The following SLC16A7 variants were observed in gnomAD, a reference collection of about 807,000 sequenced individuals.
The protein encoded by SLC16A7 is solute carrier family 16 member 7.
A neutral mutation model predicts 34.9 loss-of-function variants in SLC16A7; 33 were observed. The observed-to-expected ratio is 0.94, with a 90% CI of 0.72 to 1.26. SLC16A7 has a LOEUF of 1.26. Ranked by LOEUF, SLC16A7 falls within the 50% of genes most tolerant of loss-of-function variation. The pLI, the probability that SLC16A7 is intolerant of heterozygous loss-of-function variation, is 0.00. For synonymous variants in SLC16A7, 201 were observed against 206.6 expected (o/e 0.97, Z 0.23); for missense variants, 573 against 578.1 (o/e 0.99, Z 0.09).
intron 1 of SLC16A7, among the ~76,000 whole-genome samples, chr12:59,614,624 G>A (rs547950577): frequency 7.3e-5 from 11 of 151,648 alleles, no homozygotes; most frequent in Non-Finnish European, 1.3e-4. Context: ...AATATGAGTC[G>A]GGACCAGTAA....
chr12:59,692,788 AT>A (rs1871828403), intron 2 of SLC16A7, among the ~76,000 whole-genome samples: 1 of 152,022 alleles, frequency 6.6e-6, no homozygotes, highest in African/African-American at 2.4e-5. Context: ...AGCTATTGAT[AT>A]CTCTCTTGTC....
intron 1 of SLC16A7, among the ~76,000 whole-genome samples, chr12:59,648,984 A>G (rs1312258419): frequency 6.6e-6 from 1 of 152,198 alleles, no homozygotes; most frequent in Non-Finnish European, 1.5e-5. Context: ...GAGTCCTAGT[A>G]TTCAGAGTGA....
At chr12:59,648,681 A>T (rs1488660695) in intron 1 of SLC16A7, among the ~76,000 whole-genome samples, 1 of 152,184 alleles carries the variant, frequency 6.6e-6, no homozygotes, top group Non-Finnish European at 1.5e-5. Context: ...ACCAGTCTCA[A>T]GAGGATTCCA....
At chr12:59,730,248 C>T (rs1482975711) in intron 3 of SLC16A7, among the ~76,000 whole-genome samples, 1 of 151,448 alleles carries the variant, frequency 6.6e-6, no homozygotes, top group Non-Finnish European at 1.5e-5. Flanking sequence ...TATTTAGGCA[C>T]CTCTCCGTTA....
In SLC16A7 at chr12:59,775,351, G is replaced by A; in HGVS notation, c.1056G>A (p.Gly352=). The A allele has an allele frequency of 6.2e-7, 1 of 1,614,116 alleles. No individual in the cohort carries two copies. Among genetic ancestry groups the A allele is most frequent in the Non-Finnish European group, 8.5e-7 (1 of 1,179,988 alleles). Residue 352 remains glycine (G), a synonymous_variant, in exon 5 of 6, where the codon GGG becomes GGA. Transcript: ENST00000547379. The part of the protein sequence containing the change: ...LYAVFFGLGF[G]SVSSVLFETL... ...CTGTATTTTTTGGCCTTGGATTTGG[G>A]AGTGTTAGCAGTGTTCTCTTTGAAA...
At chr12:59,644,909 GAAGT>G (rs772980931) in intron 1 of SLC16A7, among the ~76,000 whole-genome samples, 2 of 152,172 alleles carry the variant, frequency 1.3e-5, no homozygotes, top group Admixed American at 6.6e-5. Context: ...TGATTTTCAT[GAAGT>G]AAGTAAAAAT....
chr12:59,720,125 T>A (rs762929534), intron 3 of SLC16A7: 2 of 697,048 alleles, frequency 2.9e-6, no homozygotes, highest in South Asian at 3.0e-5. Context: ...TTGATTGACG[T>A]GTTATTATGG....
At chr12:59,661,857 T>A (rs1868870130) in intron 2 of SLC16A7, among the ~76,000 whole-genome samples, 1 of 152,102 alleles carries the variant, frequency 6.6e-6, no homozygotes, top group African/African-American at 2.4e-5. Context: ...GTGTTGCCTT[T>A]TTACATTATA....
intron 5 of SLC16A7, among the ~76,000 whole-genome samples, chr12:59,776,368 T>A (rs1882760052): frequency 1.3e-5 from 2 of 152,198 alleles, no homozygotes; most frequent in South Asian, 4.1e-4. Flanking sequence ...TTTAAAGACA[T>A]GTATCAGAGC....
Position 59,739,812 on chromosome 12 carries a change from T to A in SLC16A7, c.218-31407T>A, listed in dbSNP as rs936675623. Among the ~76,000 whole-genome samples the A allele has an allele frequency of 6.7e-3, 1,015 of 151,922 alleles. 15 individuals carry two copies. Among genetic ancestry groups the A allele is most frequent in the African/African-American group, 0.023 (968 of 41,312 alleles). ...ATGACCAGTGATGGTGAGCATTTTT[T>A]CATGTGTTTTTTGGCTGCATAAATG... is the stretch of plus-strand genomic sequence containing the variant. On this transcript the variant is annotated intron_variant, in intron 3 of 5. Transcript: ENST00000547379.
Position 59,774,936 on chromosome 12 carries a change from C to G in SLC16A7, c.641C>G (p.Thr214Arg). Reference protein sequence around the residue: ...TSKSKNKTGKTEDDSSPKKIK... With the variant: ...TSKSKNKTGKREDDSSPKKIK... ...AAGTCTAAAAATAAGACTGGCAAAA[C>G]AGAAGATGATTCAAGCCCAAAGAAA... The change falls in exon 5 of 6, where the codon ACA becomes AGA. Residue 214 changes from threonine to arginine, a missense_variant. Thr to Arg is a moderately conservative substitution (Grantham distance 71). Transcript: ENST00000547379. 1 of 1,613,886 alleles carries G rather than the reference C, an allele frequency of 6.2e-7. No individual in the cohort carries two copies. The highest frequency in any genetic ancestry group is 1.1e-5 in the South Asian group (1 of 91,070).
At chr12:59,761,467 A>G (rs200278674) in intron 3 of SLC16A7, among the ~76,000 whole-genome samples, 42 of 152,124 alleles carry the variant, frequency 2.8e-4, no homozygotes, top group African/African-American at 8.2e-4. Flanking sequence ...ACCATAGACT[A>G]TTGTTTACAT....
intron 3 of SLC16A7, among the ~76,000 whole-genome samples, chr12:59,748,212 T>C (rs1190944170): frequency 6.6e-6 from 1 of 152,198 alleles, no homozygotes; most frequent in East Asian, 1.9e-4. Context: ...GCTACAAATC[T>C]ATTATAAAAA....
chr12:59,763,234 T>G (rs1881207008), intron 3 of SLC16A7, among the ~76,000 whole-genome samples: 2 of 152,116 alleles, frequency 1.3e-5, no homozygotes, highest in Admixed American at 6.6e-5. Flanking sequence ...TTTGTCTCAA[T>G]TATATTTCTT....
intron 1 of SLC16A7, among the ~76,000 whole-genome samples, chr12:59,623,604 C>G (rs1879794782): frequency 6.6e-6 from 1 of 151,546 alleles, no homozygotes; most frequent in Non-Finnish European, 1.5e-5. Flanking sequence ...AATTTATTTT[C>G]ATGTGATGAT....
At chr12:59,613,523 T>C (rs756296115) in intron 1 of SLC16A7, among the ~76,000 whole-genome samples, 3 of 152,234 alleles carry the variant, frequency 2.0e-5, no homozygotes, top group African/African-American at 4.8e-5. Context: ...TAGTGTCTAA[T>C]AGTATTACAG....
At chr12:59,628,042 G>T (rs1363571332) in intron 1 of SLC16A7, among the ~76,000 whole-genome samples, 1 of 151,678 alleles carries the variant, frequency 6.6e-6, no homozygotes, top group Non-Finnish European at 1.5e-5. Flanking sequence ...AAGACTCTGG[G>T]TATCTCCTTG....
chr12:59,788,420 A>G lies in SLC16A7; in HGVS notation c.*8741A>G, dbSNP rs1883769325. 6.6e-6 allele frequency: 1 copy of G among 152,122 alleles called. No homozygotes were observed. The highest frequency in any genetic ancestry group is 1.5e-5 in the Non-Finnish European group (1 of 67,968). 9.4% of individuals were successfully genotyped at this position (152,122 alleles called of 1,614,324 possible). On this transcript the variant is annotated 3_prime_UTR_variant, in exon 6 of 6. Transcript: ENST00000547379. ...TCTATAGATATCTTAATGACCACTG[A>G]ACAAATGATCATATTGCCACATGGT...
intron 1 of SLC16A7, among the ~76,000 whole-genome samples, chr12:59,636,549 T>C (rs1880436900): frequency 6.6e-6 from 1 of 152,086 alleles, no homozygotes; most frequent in Non-Finnish European, 1.5e-5. Context: ...ACTGCAACCT[T>C]GACTATTCAG....
Sources: allele counts gnomAD v4.1 joint callset (sites outside exome capture counted in the v4.1 genomes callset), GRCh38; gene constraint gnomAD v4.1.1; transcripts MANE v1.5; gene names NCBI Gene and HGNC (gene_info 2026-07-23, HGNC 2026-07-21).